FAR2: variants seen among roughly 807,000 people sequenced by gnomAD.
FAR2 encodes the protein fatty acyl-CoA reductase 2, also known as epididymis secretory protein Li 81.
FAR2 carries 19 observed loss-of-function variants against 56.0 expected under a neutral mutation model. The ratio of observed to expected loss-of-function variants is 0.34; its 90% confidence interval spans 0.24 to 0.50. The LOEUF (loss-of-function observed/expected upper bound fraction) is 0.50. FAR2 is among the 20% of genes least tolerant of loss of function. FAR2 has a pLI of 0.98. For synonymous variants in FAR2, 219 were observed against 218.8 expected, an observed-to-expected ratio of 1.00 and a Z score of -0.01; for missense variants, 508 against 642.2, an observed-to-expected ratio of 0.79 and a Z score of 2.26.
rs115077277 is a variant in FAR2 at position 29,291,295 on chromosome 12, T to C, written c.190-2005T>C. ...TGGTACCTGGACCATCAGATCCACC[T>C]GCAGAGGCGGTTAAGAAATACAATT... On this transcript the variant is annotated intron_variant, in intron 2 of 11. Coordinates refer to ENST00000536681, the MANE Select transcript of FAR2 (RefSeq NM_001271783.2). 772 of 434,394 alleles carry C rather than the reference T, an allele frequency of 1.8e-3. 7 individuals carry two copies. Among genetic ancestry groups the C allele is most frequent in the African/African-American group, 0.014 (707 of 49,362 alleles). 26.9% of individuals were successfully genotyped at this position (434,394 alleles called of 1,614,324 possible). A position where few individuals can be genotyped will look rare whatever the true frequency, so the allele number is the denominator to read the frequency against.
intron 2 of FAR2, chr12:29,282,249 C>T (rs182154530): frequency 6.6e-6 from 1 of 152,212 alleles, no homozygotes; most frequent in Non-Finnish European, 1.5e-5. Flanking sequence ...TTATCTTTAA[C>T]ACTGTCTTCA....
chr12:29,285,467 G>C (rs757058782), intron 2 of FAR2, among the ~76,000 whole-genome samples: 10 of 151,650 alleles, frequency 6.6e-5, no homozygotes, highest in Non-Finnish European at 1.2e-4. Context: ...CAGTTTTCCT[G>C]TTACTCAAGT....
intron 1 of FAR2, among the ~76,000 whole-genome samples, chr12:29,204,361 A>G (rs945684115): frequency 1.3e-5 from 2 of 152,184 alleles, no homozygotes. Flanking sequence ...ATAAAATGAA[A>G]CAATGCCAAA....
At chr12:29,153,224 C>T (rs1949695169) in intron 1 of FAR2, among the ~76,000 whole-genome samples, 2 of 152,002 alleles carry the variant, frequency 1.3e-5, no homozygotes, top group Admixed American at 1.3e-4. Context: ...GAACAGAATG[C>T]TGTAAGAAAA....
At chr12:29,172,529 C>T (rs1421299307) in intron 1 of FAR2, among the ~76,000 whole-genome samples, 1 of 152,192 alleles carries the variant, frequency 6.6e-6, no homozygotes, top group Non-Finnish European at 1.5e-5. Context: ...TTCCTCTGAT[C>T]TCGCTTTTCC....
chr12:29,236,149 A>G (rs1307444293), intron 1 of FAR2, among the ~76,000 whole-genome samples: 1 of 152,240 alleles, frequency 6.6e-6, no homozygotes, highest in East Asian at 1.9e-4. Context: ...GAACTATCAC[A>G]CTGTACCCTA....
chr12:29,236,475 G>T (rs1055494058), intron 1 of FAR2, among the ~76,000 whole-genome samples: 1 of 152,132 alleles, frequency 6.6e-6, no homozygotes, highest in Admixed American at 6.6e-5. Flanking sequence ...TCATGGTTCC[G>T]CATGGCTGGG....
At chr12:29,183,781 G>A (rs558021439) in intron 1 of FAR2, among the ~76,000 whole-genome samples, 1 of 152,212 alleles carries the variant, frequency 6.6e-6, no homozygotes, top group African/African-American at 2.4e-5. Context: ...TTTTACCTTG[G>A]TTTTTAACAG....
chr12:29,277,541 T>A (rs981128856), intron 2 of FAR2: 20 of 152,128 alleles, frequency 1.3e-4, no homozygotes, highest in African/African-American at 4.6e-4. Flanking sequence ...GCAAACGAGT[T>A]TCATAAGAAA....
At chr12:29,156,458 A>C (rs1031716878) in intron 1 of FAR2, 2 of 152,152 alleles carry the variant, frequency 1.3e-5, no homozygotes, top group Non-Finnish European at 2.9e-5. Context: ...ATCACTTGTA[A>C]ATTTTATTCA....
At chr12:29,154,137 A>G (rs1294295751) in intron 1 of FAR2, among the ~76,000 whole-genome samples, 1 of 152,238 alleles carries the variant, frequency 6.6e-6, no homozygotes, top group East Asian at 1.9e-4. Flanking sequence ...ACTTGAGCAC[A>G]TAGATGGAAT....
At chr12:29,258,621 G>A (rs997613336) in intron 1 of FAR2, among the ~76,000 whole-genome samples, 4 of 152,104 alleles carry the variant, frequency 2.6e-5, no homozygotes, top group East Asian at 1.9e-4. Context: ...TGTATGAGAT[G>A]TCTCTCAACA....
chr12:29,194,059 C>T (rs939512760), intron 1 of FAR2, among the ~76,000 whole-genome samples: 1 of 152,158 alleles, frequency 6.6e-6, no homozygotes, highest in African/African-American at 2.4e-5. Context: ...TCAATTTTCT[C>T]TTGCTCTCTC....
chr12:29,177,472 T>G (rs916247840), intron 1 of FAR2, among the ~76,000 whole-genome samples: 8 of 152,234 alleles, frequency 5.3e-5, no homozygotes, highest in Non-Finnish European at 1.0e-4. Flanking sequence ...CTGAGAACTC[T>G]GCCAGTGGCA....
chr12:29,295,134 G>A (rs767793568), intron 3 of FAR2, among the ~76,000 whole-genome samples: 6 of 151,906 alleles, frequency 3.9e-5, no homozygotes, highest in African/African-American at 1.5e-4. Flanking sequence ...GTGCATTGGC[G>A]TGATCTTGGC....
rs778324454 is a variant in FAR2 at position 29,293,351 on chromosome 12, G to A, written c.241G>A (p.Ala81Thr). 1 of 1,608,994 alleles carries A rather than the reference G, an allele frequency of 6.2e-7. No individual in the cohort carries two copies. Among genetic ancestry groups the A allele is most frequent in the Admixed American group, 1.7e-5 (1 of 59,082 alleles). Residue 81 changes from alanine to threonine, a missense_variant, in exon 3 of 12, where the codon GCT becomes ACT. Transcript: ENST00000536681. ...VCPNVHEKIR[A>T]IYADLNQNDF... Reference sequence around the variant, plus strand: ...TCCAAATGTGCATGAGAAGATCAGAGCTATTTATGCAGATCTCAATCAGAA... The same window carrying A: ...TCCAAATGTGCATGAGAAGATCAGAACTATTTATGCAGATCTCAATCAGAA...
intron 1 of FAR2, among the ~76,000 whole-genome samples, chr12:29,232,821 G>GCGCACACACACACACA (rs71444325): frequency 7.7e-4 from 112 of 145,948 alleles, no homozygotes; most frequent in African/African-American, 1.9e-3. Flanking sequence ...ACGCGCTCGC[G>GCGCACACACACACACA]CACACACACA....
chr12:29,309,356 ATTATT>A (rs1382564436), intron 6 of FAR2, 126 bp downstream of exon 6: 1 of 705,786 alleles, frequency 1.4e-6, no homozygotes, highest in African/African-American at 1.8e-5. Flanking sequence ...ACTGAGGCAT[ATTATT>A]TTAATTGTTC....
intron 1 of FAR2, among the ~76,000 whole-genome samples, chr12:29,166,225 G>A (rs1949826387): frequency 6.6e-6 from 1 of 152,240 alleles, no homozygotes; most frequent in South Asian, 2.1e-4. Context: ...GGTATTGACA[G>A]TATCTAAGAC....
Sources: gnomAD v4.1 joint callset for allele counts (sites outside exome capture counted in the v4.1 genomes callset) on GRCh38, gnomAD v4.1.1 for gene constraint, MANE v1.5 for transcripts, NCBI Gene and HGNC (gene_info 2026-07-23, HGNC 2026-07-21) for gene names.